The following BMAL2 variants were observed in gnomAD, a reference collection of about 807,000 sequenced individuals.
The protein encoded by BMAL2 is basic helix-loop-helix ARNT-like protein 2.
chr12:27,382,649 A>C, the BMAL2 span, among the ~76,000 whole-genome samples: 1 of 152,218 alleles, frequency 6.6e-6, no homozygotes, highest in Non-Finnish European at 1.5e-5. Context: ...ATTTAAGGCA[A>C]CTGGATCTGC....
the BMAL2 span, among the ~76,000 whole-genome samples, chr12:27,383,620 G>A: frequency 6.6e-6 from 1 of 152,142 alleles, no homozygotes. Flanking sequence ...TGCCTGGTAT[G>A]CTCTGCCAAC....
chr12:27,415,903 C>T, the BMAL2 span: 1 of 1,608,072 alleles, frequency 6.2e-7, no homozygotes, highest in Non-Finnish European at 8.5e-7. Context: ...TGATTCGAGT[C>T]CAACAGGTTT....
At chr12:27,334,712 A>T in the BMAL2 span, among the ~76,000 whole-genome samples, 1 of 152,234 alleles carries the variant, frequency 6.6e-6, no homozygotes, top group African/African-American at 2.4e-5. Context: ...TTGCATACCA[A>T]ATGTAAAGCT....
chr12:27,420,012 T>TGCGCGCGCGC, the BMAL2 span, among the ~76,000 whole-genome samples: 204 of 64,818 alleles, frequency 3.1e-3, 1 homozygote, highest in African/African-American at 0.014. Flanking sequence ...TTCCAGGGTT[T>TGCGCGCGCGC]GCGCGTGCAC....
chr12:27,405,442 A>G, the BMAL2 span, among the ~76,000 whole-genome samples: 2 of 152,200 alleles, frequency 1.3e-5, no homozygotes, highest in Non-Finnish European at 1.5e-5. Flanking sequence ...CTGTTCACCA[A>G]TATCCGCTGT....
chr12:27,397,188 A>C, the BMAL2 span, among the ~76,000 whole-genome samples: 1 of 152,134 alleles, frequency 6.6e-6, no homozygotes, highest in Non-Finnish European at 1.5e-5. Flanking sequence ...CTCCTGCTTC[A>C]GCCTCCCAAG....
chr12:27,376,614 A>T, the BMAL2 span, among the ~76,000 whole-genome samples: 1 of 149,936 alleles, frequency 6.7e-6, no homozygotes, highest in East Asian at 1.9e-4. Flanking sequence ...AGAATAGCTT[A>T]AAAAAAAACC....
chr12:27,417,479 GT>G, the BMAL2 span, among the ~76,000 whole-genome samples: 7 of 152,138 alleles, frequency 4.6e-5, no homozygotes, highest in African/African-American at 1.7e-4. Context: ...TTGGAGTCAG[GT>G]AGACTTGAGT....
chr12:27,369,372 A>G, the BMAL2 span, among the ~76,000 whole-genome samples: 1 of 152,076 alleles, frequency 6.6e-6, no homozygotes, highest in Non-Finnish European at 1.5e-5. Flanking sequence ...GTTCTTCCCA[A>G]TACACTTTAT....
At chr12:27,358,753 C>CA in the BMAL2 span, among the ~76,000 whole-genome samples, 3 of 152,012 alleles carry the variant, frequency 2.0e-5, no homozygotes, top group African/African-American at 4.8e-5. Context: ...TATACATGCA[C>CA]AAAAAATATA....
chr12:27,345,459 A>T, the BMAL2 span, among the ~76,000 whole-genome samples: 1 of 152,164 alleles, frequency 6.6e-6, no homozygotes, highest in Non-Finnish European at 1.5e-5. Flanking sequence ...CAGCTTTAAG[A>T]TGAGTAAATT....
chr12:27,373,399 G>A, the BMAL2 span, among the ~76,000 whole-genome samples: 1 of 152,192 alleles, frequency 6.6e-6, no homozygotes, highest in Non-Finnish European at 1.5e-5. Flanking sequence ...CTTCAAACAG[G>A]AAGTTGGAAA....
chr12:27,337,826 T>A, the BMAL2 span, among the ~76,000 whole-genome samples: 2 of 152,186 alleles, frequency 1.3e-5, no homozygotes. Flanking sequence ...AATGAGATAA[T>A]GATTACAAAC....
the BMAL2 span, among the ~76,000 whole-genome samples, chr12:27,413,377 C>T: frequency 2.0e-5 from 3 of 152,074 alleles, no homozygotes; most frequent in Non-Finnish European, 4.4e-5. Context: ...ACATCAGTAA[C>T]ATAAAATGTG....
chr12:27,362,663 T>G, the BMAL2 span, among the ~76,000 whole-genome samples: 1 of 152,206 alleles, frequency 6.6e-6, no homozygotes, highest in African/African-American at 2.4e-5. Flanking sequence ...CAAAAAAAAT[T>G]TCTAAAAAAC....
the BMAL2 span, among the ~76,000 whole-genome samples, chr12:27,343,678 G>T: frequency 6.6e-6 from 1 of 152,236 alleles, no homozygotes; most frequent in East Asian, 1.9e-4. Flanking sequence ...TATCAGTCAG[G>T]CCTAGAACAA....
chr12:27,349,551 T>TA, the BMAL2 span, among the ~76,000 whole-genome samples: 1 of 152,208 alleles, frequency 6.6e-6, no homozygotes, highest in African/African-American at 2.4e-5. Flanking sequence ...CAGTCAGTTT[T>TA]AATATTTACA....
At chr12:27,420,425 C>T in the BMAL2 span, 2 of 1,613,920 alleles carry the variant, frequency 1.2e-6, no homozygotes, top group Non-Finnish European at 8.5e-7. Context: ...TTTCGATGCC[C>T]TATGTGACAA....
At chr12:27,415,407 A>C in the BMAL2 span, among the ~76,000 whole-genome samples, 1 of 152,116 alleles carries the variant, frequency 6.6e-6, no homozygotes, top group Non-Finnish European at 1.5e-5. Flanking sequence ...TTTTTTCTCT[A>C]TGTGTGTGTT....
Sources: gnomAD v4.1 joint callset for allele counts (sites outside exome capture counted in the v4.1 genomes callset) on GRCh38, gnomAD v4.1.1 for gene constraint, MANE v1.5 for transcripts, NCBI Gene and HGNC (gene_info 2026-07-23, HGNC 2026-07-21) for gene names.